CAP2: variants seen among roughly 807,000 people sequenced by gnomAD.
CAP2 encodes the protein adenylyl cyclase-associated protein 2.
A neutral mutation model predicts 57.7 loss-of-function variants in CAP2; 24 were observed. The observed-to-expected ratio is 0.42, with a 90% confidence interval of 0.30 to 0.58. The LOEUF is 0.58. CAP2 is among the 20% of genes least tolerant of loss of function. The probability of loss-of-function intolerance (pLI) is 0.22; values close to 1 mark genes in which losing one functional copy is unlikely to be tolerated. For missense variants in CAP2, 501 were observed against 590.3 expected (o/e 0.85, Z 1.57); for synonymous variants, 194 against 207.2 (o/e 0.94, Z 0.55).
intron 4 of CAP2, among the ~76,000 whole-genome samples, chr6:17,482,494 C>T (rs1051800305): frequency 8.6e-6 from 1 of 116,788 alleles, no homozygotes; most frequent in Non-Finnish European, 1.6e-5. Context: ...GGTGAGAGAG[C>T]GAGACTCCAT....
At chr6:17,456,111 A>G (rs1487463149) in intron 3 of CAP2, among the ~76,000 whole-genome samples, 1 of 152,224 alleles carries the variant, frequency 6.6e-6, no homozygotes, top group African/African-American at 2.4e-5. Flanking sequence ...CCAGACTTGA[A>G]GCATCAGCCT....
chr6:17,393,773 C>A (rs1313048995), intron 1 of CAP2, 27 bp downstream of exon 1: 3 of 150,524 alleles, frequency 2.0e-5, no homozygotes, highest in Non-Finnish European at 4.5e-5. Flanking sequence ...CGGGGCCCGG[C>A]GAGGCGGGGA....
intron 7 of CAP2, among the ~76,000 whole-genome samples, chr6:17,521,267 A>AT (rs1762386004): frequency 6.6e-6 from 1 of 151,702 alleles, no homozygotes; most frequent in Non-Finnish European, 1.5e-5. Context: ...ACAAAAAAAA[A>AT]AATTAGCCGC....
At chr6:17,393,865 G>C (rs1758600969) in intron 1 of CAP2, 119 bp downstream of exon 1, 1 of 152,338 alleles carries the variant, frequency 6.6e-6, no homozygotes, top group Non-Finnish European at 1.5e-5. Context: ...GGAAGCGGCC[G>C]GGACGCTGCG....
At chr6:17,543,482 A>G (rs942926534) in intron 11 of CAP2, among the ~76,000 whole-genome samples, 1 of 152,062 alleles carries the variant, frequency 6.6e-6, no homozygotes, top group African/African-American at 2.4e-5. Context: ...TTAGCTGGGC[A>G]TGGTGGCAGG....
intron 12 of CAP2, among the ~76,000 whole-genome samples, chr6:17,553,802 C>T (rs931783240): frequency 1.3e-5 from 2 of 152,042 alleles, no homozygotes; most frequent in Middle Eastern, 3.2e-3. Context: ...ATTGGTCTCC[C>T]AGAGAAGACT....
At chr6:17,444,965 G>C (rs1760214864) in intron 3 of CAP2, among the ~76,000 whole-genome samples, 2 of 151,984 alleles carry the variant, frequency 1.3e-5, no homozygotes, top group Admixed American at 1.3e-4. Context: ...GGGCTCTGAG[G>C]CAATATAAGA....
At chr6:17,476,864 C>CT (rs67003718) in intron 4 of CAP2, among the ~76,000 whole-genome samples, 1,105 of 72,296 alleles carry the variant, frequency 0.015, 7 homozygotes, top group Non-Finnish European at 0.018. Context: ...TTTCTTACTT[C>CT]TTTTTTTTTT....
chr6:17,403,995 A>G (rs550897258), intron 1 of CAP2, among the ~76,000 whole-genome samples: 1 of 152,376 alleles, frequency 6.6e-6, no homozygotes, highest in South Asian at 2.1e-4. Context: ...GGTATATACA[A>G]GTAAAAAAAT....
At chr6:17,457,069 G>A (rs560891837) in intron 3 of CAP2, among the ~76,000 whole-genome samples, 1 of 152,278 alleles carries the variant, frequency 6.6e-6, no homozygotes, top group East Asian at 1.9e-4. Context: ...AGACCACACG[G>A]CAATAGATGT....
intron 4 of CAP2, among the ~76,000 whole-genome samples, chr6:17,498,763 C>G (rs1434904987): frequency 1.3e-5 from 2 of 151,952 alleles, no homozygotes; most frequent in Non-Finnish European, 2.9e-5. Context: ...GAGTCTTGCT[C>G]TGTCGCCCAG....
At chr6:17,438,431 G>GTATTT (rs1554122609) in intron 3 of CAP2, among the ~76,000 whole-genome samples, 13 of 85,484 alleles carry the variant, frequency 1.5e-4, no homozygotes, top group African/African-American at 7.5e-4. Flanking sequence ...CCATCCAGAA[G>GTATTT]TGTTTTTTTT....
At chr6:17,485,899 G>C (rs1258440691) in intron 4 of CAP2, among the ~76,000 whole-genome samples, 1 of 152,216 alleles carries the variant, frequency 6.6e-6, no homozygotes, top group Non-Finnish European at 1.5e-5. Flanking sequence ...TGGAATGGAA[G>C]AAGGACATCC....
intron 4 of CAP2, 98 bp from the exon 5 acceptor site, chr6:17,507,071 G>A (rs1355301733): frequency 1.6e-5 from 18 of 1,157,108 alleles, no homozygotes; most frequent in East Asian, 7.0e-5. Context: ...CTTAACAGAC[G>A]GCAGGTCCTG....
chr6:17,533,628 G>A (rs1366999154), intron 7 of CAP2, among the ~76,000 whole-genome samples: 1 of 151,294 alleles, frequency 6.6e-6, no homozygotes, highest in East Asian at 1.9e-4. Context: ...AAGTACAGTG[G>A]CGTGATCTCG....
At chr6:17,548,859 C>A (rs1023339650) in intron 11 of CAP2, among the ~76,000 whole-genome samples, 1 of 152,116 alleles carries the variant, frequency 6.6e-6, no homozygotes, top group Admixed American at 6.6e-5. Flanking sequence ...GAAAAAAATA[C>A]ACTGAATTCT....
At chr6:17,486,597 C>A (rs1427966751) in intron 4 of CAP2, among the ~76,000 whole-genome samples, 2 of 152,304 alleles carry the variant, frequency 1.3e-5, no homozygotes, top group East Asian at 3.9e-4. Flanking sequence ...CTGAGCAAGA[C>A]CCTGTCTCAA....
At chr6:17,415,032 C>A (rs970717415) in intron 1 of CAP2, among the ~76,000 whole-genome samples, 1 of 152,098 alleles carries the variant, frequency 6.6e-6, no homozygotes, top group African/African-American at 2.4e-5. Context: ...TCTTATGTTT[C>A]TTGGCCACGT....
At chr6:17,458,707 G>A (rs987036354) in intron 3 of CAP2, among the ~76,000 whole-genome samples, 3 of 152,060 alleles carry the variant, frequency 2.0e-5, no homozygotes, top group Non-Finnish European at 4.4e-5. Context: ...TATTAAGCTA[G>A]TTCTTGCCTA....
Sources: gnomAD v4.1 joint callset for allele counts (sites outside exome capture counted in the v4.1 genomes callset) on GRCh38, gnomAD v4.1.1 for gene constraint, MANE v1.5 for transcripts, NCBI Gene and HGNC (gene_info 2026-07-23, HGNC 2026-07-21) for gene names.